The following DOK5 variants were observed in gnomAD, a reference collection of about 807,000 sequenced individuals.
The protein encoded by DOK5 is docking protein 5.
Under a neutral mutation model 43.3 loss-of-function variants are expected in DOK5, and 27 were observed. The ratio of observed to expected loss-of-function variants is 0.62; its 90% CI spans 0.46 to 0.86. DOK5 has a LOEUF of 0.86. Ranked by LOEUF, DOK5 falls within the 40% of genes least tolerant of loss-of-function variation. The pLI is 0.00. For synonymous variants in DOK5, 146 were observed against 140.1 expected (o/e 1.04, Z -0.30); for missense variants, 373 against 392.9 (o/e 0.95, Z 0.43).
chr20:54,595,551 C>A (rs550453296), intron 5 of DOK5, among the ~76,000 whole-genome samples: 1 of 152,212 alleles, frequency 6.6e-6, no homozygotes, highest in South Asian at 2.1e-4. Context: ...CTTTGATGAC[C>A]CCTTTATGGT....
At chr20:54,612,693 C>T (rs1986688684) in intron 6 of DOK5, among the ~76,000 whole-genome samples, 1 of 152,160 alleles carries the variant, frequency 6.6e-6, no homozygotes, top group Non-Finnish European at 1.5e-5. Flanking sequence ...CTTCAGACTG[C>T]ATATCTTGGT....
rs386394048 is a variant in DOK5, at chr20:54,646,248, G to GTTTTTTTTTTTTTT, written c.856+2681_856+2694dup. ...TACTGTTATATCCACTGGTTATACT[G>GTTTTTTTTTTTTTT]TTTTTTTTTTTTTTTTTTTTTTTTG... On this transcript the variant is annotated intron_variant, in intron 7 of 7. Transcript: ENST00000262593. Among the ~76,000 whole-genome samples the GTTTTTTTTTTTTTT allele has an allele frequency of 5.9e-4, 47 of 79,930 alleles. 6 individuals carry two copies. Among genetic ancestry groups the GTTTTTTTTTTTTTT allele is most frequent in the African/African-American group, 1.2e-3 (23 of 18,992 alleles). 52.4% of individuals were successfully genotyped at this position (79,930 alleles called of 152,430 possible).
At chr20:54,520,370 T>G (rs1299354318) in intron 1 of DOK5, among the ~76,000 whole-genome samples, 1 of 152,170 alleles carries the variant, frequency 6.6e-6, no homozygotes, top group Non-Finnish European at 1.5e-5. Context: ...ATTTCATATA[T>G]AATCACCTGG....
chr20:54,635,041 C>A (rs765220291), intron 6 of DOK5, among the ~76,000 whole-genome samples: 2 of 152,110 alleles, frequency 1.3e-5, no homozygotes, highest in Non-Finnish European at 2.9e-5. Flanking sequence ...CCTGAAAAAC[C>A]AGTTCAGCCC....
chr20:54,485,586 C>T (rs1981900873), intron 1 of DOK5, among the ~76,000 whole-genome samples: 1 of 152,142 alleles, frequency 6.6e-6, no homozygotes, highest in South Asian at 2.1e-4. Context: ...TGGTTTTTGG[C>T]TATCATGAAT....
chr20:54,549,501 T>C (rs143444345), intron 1 of DOK5, among the ~76,000 whole-genome samples: 2 of 152,290 alleles, frequency 1.3e-5, no homozygotes, highest in African/African-American at 4.8e-5. Context: ...TTTTCATTTG[T>C]CCTTACTACT....
intron 1 of DOK5, among the ~76,000 whole-genome samples, chr20:54,539,896 C>T (rs1246475912): frequency 6.6e-6 from 1 of 152,150 alleles, no homozygotes; most frequent in Non-Finnish European, 1.5e-5. Flanking sequence ...CCACCTAAGA[C>T]GTGAAGGAGG....
chr20:54,602,826 G>T (rs898958164), intron 5 of DOK5, among the ~76,000 whole-genome samples: 1 of 151,900 alleles, frequency 6.6e-6, no homozygotes, highest in Non-Finnish European at 1.5e-5. Flanking sequence ...GTCGCACACC[G>T]CCATGCCTGG....
intron 1 of DOK5, among the ~76,000 whole-genome samples, chr20:54,529,522 C>T (rs1047715851): frequency 2.0e-5 from 3 of 147,830 alleles, no homozygotes; most frequent in Non-Finnish European, 4.4e-5. Flanking sequence ...CCCCCAACAA[C>T]AAGTTTATAA....
chr20:54,622,030 C>T (rs1986988315), intron 6 of DOK5, among the ~76,000 whole-genome samples: 1 of 151,888 alleles, frequency 6.6e-6, no homozygotes, highest in Non-Finnish European at 1.5e-5. Flanking sequence ...CCCGTCTCTA[C>T]TACACATACA....
chr20:54,520,289 C>T (rs1410318993), intron 1 of DOK5, among the ~76,000 whole-genome samples: 1 of 152,138 alleles, frequency 6.6e-6, no homozygotes, highest in Non-Finnish European at 1.5e-5. Context: ...TATCAAATTC[C>T]ATTAGCTCTG....
chr20:54,594,004 A>G (rs1244198294), intron 5 of DOK5, among the ~76,000 whole-genome samples: 1 of 152,076 alleles, frequency 6.6e-6, no homozygotes, highest in Non-Finnish European at 1.5e-5. Context: ...AGGGTGGAGG[A>G]TGGGGAAGGG....
chr20:54,478,043 A>G (rs1384946548), intron 1 of DOK5, among the ~76,000 whole-genome samples: 2 of 152,296 alleles, frequency 1.3e-5, no homozygotes, highest in Non-Finnish European at 2.9e-5. Flanking sequence ...CTTTCTCAAG[A>G]TTTATTCTTT....
chr20:54,499,837 G>A (rs566851598), intron 1 of DOK5, among the ~76,000 whole-genome samples: 1 of 152,344 alleles, frequency 6.6e-6, no homozygotes, highest in Admixed American at 6.5e-5. Flanking sequence ...TACAGGTAAA[G>A]AAGTTTGGGC....
At position 54,588,713 on chromosome 20, in the gene DOK5, G is replaced by C. The variant is rs757463502; in HGVS notation, c.316G>C (p.Val106Leu). The change falls in exon 4 of 8, where the codon GTA becomes CTA. Residue 106 changes from valine (V) to leucine (L), a missense_variant. Physicochemically the swap from Val to Leu is conservative, Grantham distance 32. Transcript: ENST00000262593. ...SDLEADEWCKVLQMECVGTRI... is the reference protein window; with the variant it reads ...SDLEADEWCKLLQMECVGTRI... ...TCTTGAGGCTGATGAGTGGTGCAAA[G>C]TACTCCAGATGGAGTGTGTAGGAAC... The C allele has an allele frequency of 2.5e-6, 4 of 1,613,954 alleles. No homozygotes were observed. In the South Asian group the frequency reaches 4.4e-5, roughly 18 times the overall value.
At chr20:54,606,938 G>A (rs960105551) in intron 5 of DOK5, among the ~76,000 whole-genome samples, 2 of 152,212 alleles carry the variant, frequency 1.3e-5, no homozygotes, top group African/African-American at 2.4e-5. Context: ...TTAATGCACA[G>A]TGGTGATTTC....
intron 2 of DOK5, among the ~76,000 whole-genome samples, chr20:54,584,686 A>G (rs1023875613): frequency 3.5e-5 from 5 of 144,284 alleles, no homozygotes; most frequent in African/African-American, 8.4e-5. Flanking sequence ...ATGTGTGTGT[A>G]TATATATATA....
chr20:54,644,479 C>A (rs917506019), intron 7 of DOK5, among the ~76,000 whole-genome samples: 2 of 151,674 alleles, frequency 1.3e-5, no homozygotes, highest in Non-Finnish European at 2.9e-5. Flanking sequence ...CCGAGGCGGG[C>A]GGATCATGAG....
At chr20:54,611,022 C>T (rs767557378) in intron 6 of DOK5, among the ~76,000 whole-genome samples, 5 of 152,160 alleles carry the variant, frequency 3.3e-5, no homozygotes, top group Non-Finnish European at 5.9e-5. Flanking sequence ...AGATTTGAGT[C>T]TATATGTAAT....
Sources: gnomAD v4.1 joint callset for allele counts (sites outside exome capture counted in the v4.1 genomes callset) on GRCh38, gnomAD v4.1.1 for gene constraint, MANE v1.5 for transcripts, NCBI Gene and HGNC (gene_info 2026-07-23, HGNC 2026-07-21) for gene names.